The following NEB variants were observed in gnomAD, a reference collection of about 807,000 sequenced individuals.
The protein encoded by NEB is nebulin.
A neutral mutation model predicts 952.2 loss-of-function variants in NEB; 512 were observed. The observed-to-expected ratio is 0.54, with a 90% confidence interval of 0.50 to 0.58. NEB has a LOEUF of 0.58. Among genes scored for constraint, NEB ranks in the 20% least tolerant of loss-of-function variants. NEB has a pLI of 0.00. For missense variants in NEB, 8,428 were observed against 9,231.1 expected (o/e 0.91, Z 3.56); for synonymous variants, 2,900 against 3,149.8 (o/e 0.92, Z 2.66).
intron 181 of NEB, among the ~76,000 whole-genome samples, chr2:151,487,940 C>T (rs900015393): frequency 7.2e-5 from 11 of 151,972 alleles, no homozygotes; most frequent in South Asian, 2.1e-4. Context: ...TTAAAATGTT[C>T]GAATATGATA....
At chr2:151,726,838 C>T (rs2099792403) in intron 5 of NEB, among the ~76,000 whole-genome samples, 1 of 151,940 alleles carries the variant, frequency 6.6e-6, no homozygotes, top group Admixed American at 6.6e-5. Flanking sequence ...CCATCCTGGG[C>T]AACATAGCAA....
chr2:151,490,459 C>T lies in NEB; in HGVS notation c.25210G>A (p.Gly8404Arg). 5.0e-6 allele frequency: 8 copies of T among 1,607,706 alleles called. No individual in the cohort carries two copies. The highest frequency in any genetic ancestry group is 6.8e-6 in the Non-Finnish European group (8 of 1,177,158). The change falls in exon 180 of 182, where the codon GGG becomes AGG. Residue 8404 changes from glycine (G) to arginine (R), a missense_variant. By Grantham distance (125) the Gly-to-Arg change is moderately radical. This residue lies in a region of NEB where 3,374 missense variants were observed against 3,651.5 expected (regional missense o/e 0.92). Coordinates refer to ENST00000397345, the MANE Select transcript of NEB (RefSeq NM_001164508.2). ...GAATGCTCAGACTTCTCCTCACCCC[C>T]ACTGATGCTTAGTGCACTGGCAGAT... The part of the protein sequence containing the change: ...SRSASALSIS[G>R]GEEKSEHSEA...
At chr2:151,545,831 A>T in intron 135 of NEB, 57 bp downstream of exon 135, 1 of 1,041,170 alleles carries the variant, frequency 9.6e-7, no homozygotes, top group Non-Finnish European at 1.4e-6. Flanking sequence ...CTTGTGGAGT[A>T]ATTCAGTTTG....
rs1056868760 is a variant in NEB at position 151,575,676 on chromosome 2, A to G, written c.17013+19T>C. 3 of 1,486,768 alleles carry G rather than the reference A, an allele frequency of 2.0e-6. No individual in the cohort carries two copies. The highest frequency in any genetic ancestry group is 1.7e-5 in the Admixed American group (1 of 59,364). 92.1% of individuals were successfully genotyped at this position (1,486,768 alleles called of 1,614,324 possible). A position where few individuals can be genotyped will look rare whatever the true frequency, so the allele number is the denominator to read the frequency against. ...TGGGTAACTTTCCAAACAAAAAGAG[A>G]GTCTGTTGTAGTACTTACATTGCTC... is the stretch of plus-strand genomic sequence containing the variant. On this transcript the variant is annotated intron_variant, in intron 107 of 181. Coordinates refer to ENST00000397345, the MANE Select transcript of NEB (RefSeq NM_001164508.2).
At position 151,514,436 on chromosome 2, in the gene NEB, A is replaced by T; in HGVS notation, c.23017-8T>A. 6.3e-7 allele frequency: 1 copy of T among 1,575,722 alleles called. No individual in the cohort carries two copies. Among genetic ancestry groups the T allele is most frequent in the Non-Finnish European group, 8.7e-7 (1 of 1,145,196 alleles). ...ATCTTTCCTGTACTCTTTCTATATC[A>T]TGAAAGAAAAGCAACAACATTGACA... is the stretch of plus-strand genomic sequence containing the variant. On this transcript the variant is annotated splice_polypyrimidine_tract_variant and splice_region_variant and intron_variant, in intron 158 of 181. Transcript: ENST00000397345.
intron 18 of NEB, 78 bp downstream of exon 18, chr2:151,695,500 T>C: frequency 1.0e-6 from 1 of 982,572 alleles, no homozygotes. Flanking sequence ...ATCTATTCAT[T>C]GAATTGCAAC....
At position 151,723,481 on chromosome 2, in the gene NEB, C is replaced by T. The variant is rs2150664625; in HGVS notation, c.618G>A (p.Leu206=). The change falls in exon 9 of 182, where the codon CTG becomes CTA. Residue 206 remains leucine, a synonymous_variant. Transcript: ENST00000397345. ...TGTCTGCTTCCCAGTCTTCAGTGTA[C>T]AGTTTCTAAATCAAAAAAGAGTGAA... ...VKNTAMFSKK[L]YTEDWEADKS... is the part of the protein sequence containing the mutation. 6.2e-7 allele frequency: 1 copy of T among 1,601,356 alleles called. No homozygotes were observed. The highest frequency in any genetic ancestry group is 8.5e-7 in the Non-Finnish European group (1 of 1,172,774).
intron 23 of NEB, 57 bp from the exon 24 acceptor site, chr2:151,690,882 C>T: frequency 7.7e-7 from 1 of 1,293,012 alleles, no homozygotes. Flanking sequence ...TATACATGCG[C>T]TAACATAAAA....
At chr2:151,517,687 A>G (rs1406370097) in intron 156 of NEB, among the ~76,000 whole-genome samples, 1 of 152,192 alleles carries the variant, frequency 6.6e-6, no homozygotes, top group South Asian at 2.1e-4. Flanking sequence ...TGTACAGCAT[A>G]TTATTTTACT....
At chr2:151,714,091 A>G (rs1052706725) in intron 10 of NEB, among the ~76,000 whole-genome samples, 11 of 152,066 alleles carry the variant, frequency 7.2e-5, no homozygotes, top group African/African-American at 2.7e-4. Context: ...AAGAAGAAAA[A>G]TTGTTTCCCC....
chr2:151,489,302 G>A (rs1410607566), intron 181 of NEB, among the ~76,000 whole-genome samples: 1 of 152,170 alleles, frequency 6.6e-6, no homozygotes, highest in Non-Finnish European at 1.5e-5. Context: ...AAGTAGTCTG[G>A]TGAACTGTGA....
At position 151,490,096 on chromosome 2, in the gene NEB, ATTCT is replaced by A. The variant is rs766255786; in HGVS notation, c.25298-23_25298-20del. On this transcript the variant is annotated intron_variant, in intron 180 of 181. Coordinates refer to ENST00000397345, the MANE Select transcript of NEB (RefSeq NM_001164508.2). ...TTGTAAGCTGAAAAAAAGGGGGCAA[ATTCT>A]TTATAAGAAGAAAAATGGCTAGGTA... 6.4e-7 allele frequency: 1 copy of A among 1,564,362 alleles called. No individual in the cohort carries two copies. Among genetic ancestry groups the A allele is most frequent in the Non-Finnish European group, 8.8e-7 (1 of 1,142,480 alleles).
intron 138 of NEB, among the ~76,000 whole-genome samples, chr2:151,539,224 T>A (rs2093683664): frequency 6.6e-6 from 1 of 152,158 alleles, no homozygotes; most frequent in Admixed American, 6.6e-5. Flanking sequence ...AAATAAATAT[T>A]CAACAGTAAC....
Position 151,525,976 on chromosome 2 carries a change from C to A in NEB, c.22143G>T (p.Val7381=). ...ETRDTVHVKE[V]TKHVSDTNYK... is the part of the protein sequence containing the mutation. The stretch of plus-strand genomic sequence containing the variant: ...CACTTACATCACTGACATGCTTGGT[C>A]ACTTCCTTGACGTGAACAGTGTCCC... Residue 7381 remains valine, a synonymous_variant, in exon 150 of 182, where the codon GTG becomes GTT. Coordinates refer to ENST00000397345, the MANE Select transcript of NEB (RefSeq NM_001164508.2). 1 of 1,613,952 alleles carries A rather than the reference C, an allele frequency of 6.2e-7. No individual in the cohort carries two copies.
chr2:151,553,068 C>G (rs950438235), intron 127 of NEB, among the ~76,000 whole-genome samples: 3 of 152,166 alleles, frequency 2.0e-5, no homozygotes, highest in African/African-American at 7.2e-5. Context: ...ACAAATAGAG[C>G]TTGTCTATAG....
At chr2:151,552,289 T>C (rs1456910137) in intron 128 of NEB, among the ~76,000 whole-genome samples, 1 of 152,168 alleles carries the variant, frequency 6.6e-6, no homozygotes, top group Non-Finnish European at 1.5e-5. Flanking sequence ...TAATGTGTGG[T>C]AGAGGTGAGA....
At chr2:151,656,568 A>T (rs889277758) in intron 48 of NEB, 104 bp from the exon 49 acceptor site, 15 of 601,748 alleles carry the variant, frequency 2.5e-5, no homozygotes, top group Admixed American at 9.1e-5. Context: ...AAATATAATT[A>T]AAAATTATAT....
rs781563590 is a variant in NEB, at chr2:151,688,371, C to T, written c.2336G>A (p.Gly779Asp). ...TGGTATATGGCACTTGAACTTCTCA[C>T]CTTCATGTTTTGCTTTGTAATTCAG... is the stretch of plus-strand genomic sequence containing the variant. ...SDLNYKAKHE[G>D]EKFKCHIPAD... is the part of the protein sequence containing the mutation. The change falls in exon 25 of 182, where the codon GGT (glycine) becomes GAT (aspartate). Residue 779 changes from glycine (G) to aspartate (D), a missense_variant. Gly to Asp is a moderately conservative substitution (Grantham distance 94, BLOSUM62 -1). This residue lies in a region of NEB where 2,851 missense variants were observed against 2,791.5 expected (regional missense o/e 1.02). Coordinates refer to ENST00000397345, the MANE Select transcript of NEB (RefSeq NM_001164508.2). 5.0e-6 allele frequency: 8 copies of T among 1,613,666 alleles called. No individual in the cohort carries two copies. The highest frequency in any genetic ancestry group is 4.5e-5 in the East Asian group (2 of 44,892).
intron 55 of NEB, among the ~76,000 whole-genome samples, chr2:151,645,031 T>C (rs1326985747): frequency 2.6e-5 from 4 of 152,206 alleles, no homozygotes; most frequent in Non-Finnish European, 5.9e-5. Context: ...TATCTAAATA[T>C]AGCTAAACAT....
Sources: gnomAD v4.1 joint callset for allele counts (sites outside exome capture counted in the v4.1 genomes callset) on GRCh38, gnomAD v4.1.1 for gene constraint, gnomAD v4.1.1 regional missense constraint, MANE v1.5 for transcripts, NCBI Gene and HGNC (gene_info 2026-07-23, HGNC 2026-07-21) for gene names.